The following PPP4R4 variants were observed in gnomAD, a reference collection of about 807,000 sequenced individuals.
PPP4R4 encodes the protein serine/threonine-protein phosphatase 4 regulatory subunit 4.
Under a neutral mutation model 121.8 loss-of-function variants are expected in PPP4R4, and 70 were observed. That is an observed-to-expected ratio of 0.57 (90% CI 0.47 to 0.70). The LOEUF is 0.70. Ranked by LOEUF, PPP4R4 falls within the 30% of genes least tolerant of loss-of-function variation. The probability of loss-of-function intolerance (pLI) is 0.00; values close to 1 mark genes in which losing one functional copy is unlikely to be tolerated. For missense variants in PPP4R4, 875 were observed against 1,033.6 expected, an observed-to-expected ratio of 0.85 and a Z score of 2.10; for synonymous variants, 348 against 355.7, an observed-to-expected ratio of 0.98 and a Z score of 0.24.
intron 13 of PPP4R4, 121 bp downstream of exon 13, chr14:94,245,791 C>G: frequency 1.7e-6 from 1 of 574,070 alleles, no homozygotes; most frequent in Non-Finnish European, 3.0e-6. Flanking sequence ...TGCCACATAG[C>G]AGGTGGTCAG....
At chr14:94,229,771 A>C (rs1268382543) in intron 3 of PPP4R4, among the ~76,000 whole-genome samples, 1 of 152,136 alleles carries the variant, frequency 6.6e-6, no homozygotes, top group Non-Finnish European at 1.5e-5. Context: ...TATAAGGGAA[A>C]TTTTCATTAT....
rs1893108532 is a variant in PPP4R4 at position 94,250,264 on chromosome 14, A to G, written c.1704A>G (p.Gln568=). 6.3e-7 allele frequency: 1 copy of G among 1,598,452 alleles called. No individual in the cohort carries two copies. Among genetic ancestry groups the G allele is most frequent in the Non-Finnish European group, 8.6e-7 (1 of 1,166,540 alleles). Residue 568 remains glutamine, a synonymous_variant, in exon 15 of 25, where the codon CAA becomes CAG. Transcript: ENST00000304338. ...RKQEQRHEVI[Q]KLIEQLGQGK... is the part of the protein sequence containing the mutation. ...AAGAACAGAGACATGAGGTCATTCAAAAATTAATTGAACGTAAGTAATCAT... is the reference window on the plus strand; with the variant it reads ...AAGAACAGAGACATGAGGTCATTCAGAAATTAATTGAACGTAAGTAATCAT...
At chr14:94,261,758 G>A (rs1247360331) in intron 19 of PPP4R4, among the ~76,000 whole-genome samples, 1 of 151,882 alleles carries the variant, frequency 6.6e-6, no homozygotes, top group Non-Finnish European at 1.5e-5. Flanking sequence ...AGTTTGCTAG[G>A]AGTTTTTATG....
chr14:94,202,843 C>T (rs1222860300), intron 2 of PPP4R4, among the ~76,000 whole-genome samples: 2 of 151,502 alleles, frequency 1.3e-5, no homozygotes, highest in African/African-American at 2.4e-5. Context: ...ATTGGCCGGG[C>T]GTGGTGGCAC....
intron 1 of PPP4R4, among the ~76,000 whole-genome samples, chr14:94,175,152 C>A (rs1888609037): frequency 6.6e-6 from 1 of 151,202 alleles, no homozygotes; most frequent in Non-Finnish European, 1.5e-5. Flanking sequence ...ACCCCGCGTC[C>A]CGTCCCCTCA....
At chr14:94,220,287 G>T (rs1211215705) in intron 3 of PPP4R4, among the ~76,000 whole-genome samples, 1 of 152,126 alleles carries the variant, frequency 6.6e-6, no homozygotes, top group African/African-American at 2.4e-5. Context: ...AGCTTCCTCT[G>T]TGAGAAACCT....
intron 23 of PPP4R4, among the ~76,000 whole-genome samples, chr14:94,269,343 C>T (rs1196383825): frequency 6.6e-6 from 1 of 151,984 alleles, no homozygotes; most frequent in Non-Finnish European, 1.5e-5. Context: ...ACTAGTTTGG[C>T]TGGAGTGTGG....
chr14:94,210,582 A>G (rs66954835), intron 3 of PPP4R4, among the ~76,000 whole-genome samples: 24,478 of 152,098 alleles, frequency 0.16, 2,081 homozygotes, highest in Middle Eastern at 0.24. Context: ...ACATGCAACC[A>G]TTTATTTAGG....
intron 2 of PPP4R4, among the ~76,000 whole-genome samples, chr14:94,201,868 T>C (rs971145436): frequency 6.6e-6 from 1 of 151,876 alleles, no homozygotes; most frequent in African/African-American, 2.4e-5. Context: ...CAATTTGCAG[T>C]TGCTAAAATA....
In PPP4R4 at chr14:94,240,840, C is replaced by G; in HGVS notation, c.976+45C>G. 1.4e-6 allele frequency: 2 copies of G among 1,437,498 alleles called. 1 individual carries two copies. Among genetic ancestry groups the G allele is most frequent in the Middle Eastern group, 5.3e-4 (2 of 3,766 alleles). The allele number at this position is 1,437,498 out of a possible 1,614,324, so 89.0% of individuals were successfully genotyped here. On this transcript the variant is annotated intron_variant, in intron 9 of 24. Coordinates refer to ENST00000304338, the MANE Select transcript of PPP4R4 (RefSeq NM_058237.2). ...TTTTGAGACTGTAGATAATTTTTCCCTTTTTTTTCTACCTCAGTCATTAAA... is the reference window on the plus strand; with the variant it reads ...TTTTGAGACTGTAGATAATTTTTCCGTTTTTTTTCTACCTCAGTCATTAAA...
intron 5 of PPP4R4, among the ~76,000 whole-genome samples, chr14:94,232,874 C>T (rs1224333726): frequency 1.3e-5 from 2 of 151,848 alleles, no homozygotes; most frequent in Admixed American, 6.6e-5. Context: ...CTGGCTAACA[C>T]GGTGAAACCC....
rs569934466 is a variant in PPP4R4 at position 94,179,600 on chromosome 14, T to G, written c.191+3473T>G. 2.0e-4 allele frequency among the ~76,000 whole-genome samples: 30 copies of G among 152,312 alleles called. No individual in the cohort carries two copies. In the East Asian group the frequency reaches 4.2e-3, roughly 22 times the overall value. ...CTTTTCCTCATCCTGGAGTACTCTTTCAATATATCCTTATCCAACATACAC... is the reference window on the plus strand; with the variant it reads ...CTTTTCCTCATCCTGGAGTACTCTTGCAATATATCCTTATCCAACATACAC... On this transcript the variant is annotated intron_variant, in intron 2 of 24. Transcript: ENST00000304338.
chr14:94,247,053 G>A (rs7160963), intron 14 of PPP4R4, among the ~76,000 whole-genome samples: 80,587 of 152,002 alleles, frequency 0.53, 23,403 homozygotes, highest in African/African-American at 0.77. Flanking sequence ...TGGATGCCCT[G>A]CTATTGATAA....
intron 2 of PPP4R4, among the ~76,000 whole-genome samples, chr14:94,201,349 C>A (rs1020116428): frequency 1.3e-5 from 2 of 151,688 alleles, no homozygotes. Context: ...TTCATTTGTT[C>A]TAGGGTATAG....
At chr14:94,200,049 T>C (rs1243126) in intron 2 of PPP4R4, among the ~76,000 whole-genome samples, 116,181 of 152,004 alleles carry the variant, frequency 0.76, 45,262 homozygotes, top group Admixed American at 0.84. Context: ...GGGAACAGCC[T>C]TTCCCTTCCC....
chr14:94,275,703 A>C (rs867533608), intron 24 of PPP4R4, among the ~76,000 whole-genome samples, 182 bp downstream of exon 24: 1 of 152,234 alleles, frequency 6.6e-6, no homozygotes, highest in Non-Finnish European at 1.5e-5. Context: ...AATAACTTAT[A>C]TATGGCAAAG....
chr14:94,229,579 G>A (rs1040118329), intron 3 of PPP4R4, among the ~76,000 whole-genome samples: 4 of 152,108 alleles, frequency 2.6e-5, no homozygotes, highest in Non-Finnish European at 5.9e-5. Context: ...TGCACAAGTT[G>A]ATAAATCACA....
At chr14:94,227,461 T>G in intron 3 of PPP4R4, 1 of 1,506,584 alleles carries the variant, frequency 6.6e-7, no homozygotes, top group Non-Finnish European at 8.9e-7. Context: ...ATGAAATCTC[T>G]TAGTCTGTGC....
chr14:94,218,483 C>A (rs1595486270), intron 3 of PPP4R4, among the ~76,000 whole-genome samples: 7 of 99,080 alleles, frequency 7.1e-5, no homozygotes, highest in South Asian at 4.1e-4. Context: ...ACACACACAC[C>A]CTCACCCCTA....
Sources: gnomAD v4.1 joint callset for allele counts (sites outside exome capture counted in the v4.1 genomes callset) on GRCh38, gnomAD v4.1.1 for gene constraint, MANE v1.5 for transcripts, NCBI Gene and HGNC (gene_info 2026-07-23, HGNC 2026-07-21) for gene names.